Variants in AMPD3 observed in about 807,000 individuals in gnomAD.
AMPD3 encodes adenosine monophosphate deaminase 3.
A neutral mutation model predicts 82.3 loss-of-function variants in AMPD3; 57 were observed. The ratio of observed to expected loss-of-function variants is 0.69; its 90% CI spans 0.56 to 0.86. AMPD3 has a LOEUF of 0.86. Ranked by LOEUF, AMPD3 falls within the 40% of genes least tolerant of loss-of-function variation. The pLI, the probability that AMPD3 is intolerant of heterozygous loss-of-function variation, is 0.00. For missense variants in AMPD3, 870 were observed against 1,003.8 expected, an observed-to-expected ratio of 0.87 and a Z score of 1.80; for synonymous variants, 381 against 394.7, an observed-to-expected ratio of 0.97 and a Z score of 0.41.
chr11:10,451,032 C>A (rs543688153), upstream of AMPD3: 5 of 1,582,796 alleles, frequency 3.2e-6, no homozygotes, highest in Non-Finnish European at 3.4e-6. Flanking sequence ...ATGGCCCTGT[C>A]GTCCGAACCC....
intron 3 of AMPD3, chr11:10,481,856 A>G: frequency 3.1e-6 from 2 of 636,414 alleles, no homozygotes; most frequent in African/African-American, 1.8e-5. Context: ...TCCAGAAGGA[A>G]AGCAGGTGTC....
intron 1 of AMPD3, 132 bp from the exon 2 acceptor site, chr11:10,461,383 G>A: frequency 1.9e-6 from 3 of 1,598,196 alleles, no homozygotes; most frequent in African/African-American, 1.3e-5. Flanking sequence ...GCTGGGTTTG[G>A]TCTGGGGCAT....
At chr11:10,471,599 A>G (rs1848591696) in intron 2 of AMPD3, among the ~76,000 whole-genome samples, 1 of 152,226 alleles carries the variant, frequency 6.6e-6, no homozygotes, top group Non-Finnish European at 1.5e-5. Flanking sequence ...ACTTAAACAA[A>G]TTTACAAGAA....
Position 10,493,370 on chromosome 11 carries a change from G to A in AMPD3, c.961G>A (p.Ala321Thr), listed in dbSNP as rs1849295721. 1.2e-6 allele frequency: 2 copies of A among 1,614,154 alleles called. No individual in the cohort carries two copies. Among genetic ancestry groups the A allele is most frequent in the South Asian group, 2.2e-5 (2 of 91,078 alleles). ...VRKVDTHIHA[A>T]ACMNQKHLLR... ...CCAGGTGGACACACACATCCATGCG[G>A]CCGCCTGCATGAACCAAAAGCATCT... The change falls in exon 7 of 15, where the codon GCC becomes ACC. Residue 321 changes from alanine to threonine, a missense_variant. Ala to Thr is a moderately conservative substitution (Grantham distance 58). Coordinates refer to ENST00000396553, the MANE Select transcript of AMPD3 (RefSeq NM_001025389.2).
chr11:10,494,892 C>T lies in AMPD3; in HGVS notation c.1135-7C>T, dbSNP rs750374570. The T allele has an allele frequency of 1.9e-6, 3 of 1,613,006 alleles. No individual in the cohort carries two copies. Among genetic ancestry groups the T allele is most frequent in the South Asian group, 1.1e-5 (1 of 91,052 alleles). On this transcript the variant is annotated splice_region_variant and splice_polypyrimidine_tract_variant and intron_variant, in intron 7 of 14. Coordinates refer to ENST00000396553, the MANE Select transcript of AMPD3 (RefSeq NM_001025389.2). Reference sequence around the variant, plus strand: ...GATGCGTTGATTGGTGTGGTCTCCCCCCTCAGGGCCGGCAGACATTCCACC... The same window carrying T: ...GATGCGTTGATTGGTGTGGTCTCCCTCCTCAGGGCCGGCAGACATTCCACC...
rs574163390 is a variant in AMPD3 at position 10,460,894 on chromosome 11, C to T, written c.-5-621C>T. On this transcript the variant is annotated intron_variant, in intron 1 of 14. Coordinates refer to ENST00000396553, the MANE Select transcript of AMPD3 (RefSeq NM_001025389.2). ...AAGCTTCTTTGAGGGAGTGAGTTTTCAGCTGGGTAAAGAGTGTTCTAAAAC... is the reference window on the plus strand; with the variant it reads ...AAGCTTCTTTGAGGGAGTGAGTTTTTAGCTGGGTAAAGAGTGTTCTAAAAC... 28 of 985,412 alleles carry T rather than the reference C, an allele frequency of 2.8e-5. No individual in the cohort carries two copies. The South Asian group carries it at 1.2e-3, about 41-fold the overall frequency. The allele number at this position is 985,412 out of a possible 1,614,324, so 61.0% of individuals were successfully genotyped here.
chr11:10,480,342 C>T (rs1022326290), intron 3 of AMPD3, among the ~76,000 whole-genome samples: 7 of 152,126 alleles, frequency 4.6e-5, no homozygotes, highest in Non-Finnish European at 7.4e-5. Context: ...AATTTGGCTT[C>T]GTTGTTGGCA....
intron 2 of AMPD3, among the ~76,000 whole-genome samples, chr11:10,465,893 T>C (rs1157645009): frequency 6.9e-6 from 1 of 144,698 alleles, no homozygotes; most frequent in Non-Finnish European, 1.5e-5. Context: ...TTCACTCCCC[T>C]GGAAAGGGGG....
chr11:10,505,080 A>G (rs945612241), intron 14 of AMPD3: 5 of 982,102 alleles, frequency 5.1e-6, no homozygotes, highest in Non-Finnish European at 6.0e-6. Context: ...CAGGCGCTCA[A>G]TATTTCTTGA....
At chr11:10,504,449 G>C (rs1471439684) in intron 13 of AMPD3, 100 bp from the exon 14 acceptor site, 1 of 1,269,158 alleles carries the variant, frequency 7.9e-7, no homozygotes, top group African/African-American at 1.5e-5. Context: ...GTGAGGAAAA[G>C]TTAAACCCGC....
intron 1 of AMPD3, among the ~76,000 whole-genome samples, chr11:10,458,756 T>A (rs1398542406): frequency 3.3e-5 from 5 of 152,234 alleles, no homozygotes; most frequent in Non-Finnish European, 7.3e-5. Flanking sequence ...CAGGTAAATA[T>A]CCTTGTGCTT....
At chr11:10,467,330 G>C (rs1848450522) in intron 2 of AMPD3, among the ~76,000 whole-genome samples, 1 of 152,172 alleles carries the variant, frequency 6.6e-6, no homozygotes. Flanking sequence ...TAAATGACCT[G>C]ATGGAGCAGA....
At position 10,496,891 on chromosome 11, in the gene AMPD3, AC is replaced by A; in HGVS notation, c.1511del (p.Thr504IlefsTer17). ...ENIFLPLFKA[T>X]INPQDHRELH... ...CATCTTCCTGCCCCTTTTCAAGGCCACTATCAACCCCCAAGATCATCGAGAG... is the reference window on the plus strand; with the variant it reads ...CATCTTCCTGCCCCTTTTCAAGGCCATATCAACCCCCAAGATCATCGAGAG... On this transcript the variant is annotated frameshift_variant, in exon 10 of 15. Coordinates refer to ENST00000396553, the MANE Select transcript of AMPD3 (RefSeq NM_001025389.2). LOFTEE classifies it high-confidence loss of function. 3 of 1,614,112 alleles carry A rather than the reference AC, an allele frequency of 1.9e-6. No homozygotes were observed. The highest frequency in any genetic ancestry group is 2.5e-6 in the Non-Finnish European group (3 of 1,179,986).
upstream of AMPD3, among the ~76,000 whole-genome samples, chr11:10,452,405 A>T (rs1847985344): frequency 6.6e-6 from 1 of 152,032 alleles, no homozygotes; most frequent in Non-Finnish European, 1.5e-5. Flanking sequence ...ACAACAGACA[A>T]TTGCTTTGGG....
chr11:10,470,336 T>G (rs1269372018), intron 2 of AMPD3, among the ~76,000 whole-genome samples: 1 of 152,172 alleles, frequency 6.6e-6, no homozygotes, highest in East Asian at 1.9e-4. Flanking sequence ...GAGCTATTTA[T>G]GAAAAACCCA....
rs1388940181 is a variant in AMPD3, at chr11:10,461,751, A to G, written c.221+11A>G. 6.3e-7 allele frequency: 1 copy of G among 1,597,570 alleles called. No individual in the cohort carries two copies. ...GGAGACCGCAAAAAGGTTTGTTCCCAAGGCATGGTTTTCGTGTACATAGAG... is the reference window on the plus strand; with the variant it reads ...GGAGACCGCAAAAAGGTTTGTTCCCGAGGCATGGTTTTCGTGTACATAGAG... On this transcript the variant is annotated intron_variant, in intron 2 of 14. Coordinates refer to ENST00000396553, the MANE Select transcript of AMPD3 (RefSeq NM_001025389.2).
In AMPD3 at chr11:10,504,655, A is replaced by T. The variant is rs757666658; in HGVS notation, c.2123A>T (p.His708Leu). The T allele has an allele frequency of 4.3e-6, 7 of 1,614,036 alleles. No individual in the cohort carries two copies. Among genetic ancestry groups the T allele is most frequent in the Non-Finnish European group, 5.9e-6 (7 of 1,179,904 alleles). The change falls in exon 14 of 15, where the codon CAT (histidine) becomes CTT (leucine). Residue 708 changes from histidine to leucine, a missense_variant. His to Leu is a moderately conservative substitution (Grantham distance 99). Transcript: ENST00000396553. ...AGCGTGCTGCAGAGCGGCCTCTCGC[A>T]TCAGGTATGGAGTGTGACGGTGCTG... ...RNSVLQSGLSHQEKQKFLGQN... is the reference protein window; with the variant it reads ...RNSVLQSGLSLQEKQKFLGQN...
chr11:10,466,767 C>T (rs1459041669), intron 2 of AMPD3, among the ~76,000 whole-genome samples: 3 of 152,216 alleles, frequency 2.0e-5, no homozygotes, highest in Non-Finnish European at 4.4e-5. Context: ...CCAGTAGGGG[C>T]CGACAGGCAT....
At chr11:10,497,292 G>GT (rs553353384) in intron 10 of AMPD3, among the ~76,000 whole-genome samples, 76,120 of 150,844 alleles carry the variant, frequency 0.5, 19,377 homozygotes, top group East Asian at 0.61. Flanking sequence ...GCAGCCTCAG[G>GT]TTTTTTTTTC....
Sources: gnomAD v4.1 joint callset for allele counts (sites outside exome capture counted in the v4.1 genomes callset) on GRCh38, gnomAD v4.1.1 for gene constraint, MANE v1.5 for transcripts, NCBI Gene and HGNC (gene_info 2026-07-23, HGNC 2026-07-21) for gene names.